The following ATP11A variants were observed in gnomAD, a reference collection of about 807,000 sequenced individuals.
ATP11A encodes the protein phospholipid-transporting ATPase IH.
A neutral mutation model predicts 154.4 loss-of-function variants in ATP11A; 81 were observed. The observed-to-expected ratio is 0.52, with a 90% CI of 0.44 to 0.63. The LOEUF is 0.63. Among genes scored for constraint, ATP11A ranks in the 30% least tolerant of loss-of-function variants. The pLI, the probability that ATP11A is intolerant of heterozygous loss-of-function variation, is 0.00. For synonymous variants in ATP11A, 623 were observed against 585.9 expected (o/e 1.06, Z -0.91); for missense variants, 1,316 against 1,474.3 (o/e 0.89, Z 1.76).
intron 2 of ATP11A, among the ~76,000 whole-genome samples, chr13:112,802,116 G>A (rs540012078): frequency 1.2e-4 from 19 of 152,174 alleles, no homozygotes; most frequent in East Asian, 1.9e-4. Flanking sequence ...AGGCCGAGGC[G>A]GGCGGATCAC....
chr13:112,816,254 T>G, intron 6 of ATP11A, 43 bp downstream of exon 6: 1 of 1,613,288 alleles, frequency 6.2e-7, no homozygotes, highest in Non-Finnish European at 8.5e-7. Flanking sequence ...GATCTTCCTG[T>G]CCTGCTTCGG....
At chr13:112,766,122 C>A (rs2077071312) in intron 1 of ATP11A, among the ~76,000 whole-genome samples, 1 of 151,984 alleles carries the variant, frequency 6.6e-6, no homozygotes, top group Admixed American at 6.5e-5. Flanking sequence ...ACTTCTTATT[C>A]TTCAGATGTG....
At chr13:112,712,964 T>A (rs1887937318) in intron 1 of ATP11A, among the ~76,000 whole-genome samples, 1 of 152,196 alleles carries the variant, frequency 6.6e-6, no homozygotes, top group Non-Finnish European at 1.5e-5. Context: ...AGACCTAGAG[T>A]ATTTGTTTGA....
Position 112,785,716 on chromosome 13 carries a change from C to T in ATP11A, c.162+459C>T, listed in dbSNP as rs1024483799. Among the ~76,000 whole-genome samples, 2 of 152,162 alleles carry T rather than the reference C, an allele frequency of 1.3e-5. No homozygotes were observed. The highest frequency in any genetic ancestry group is 2.9e-5 in the Non-Finnish European group (2 of 68,040). ...GGGGGGAAATCTTTGAGCTTGTTCA[C>T]GAGGTGCAGCCCAGGTAAAGCGTAG... On this transcript the variant is annotated intron_variant, in intron 2 of 29. Transcript: ENST00000375645. This position sits in a 1 kb window ranked among gnomAD's most constrained non-coding sequence, Gnocchi z 4.8.
At chr13:112,771,601 G>T (rs1371556097) in intron 1 of ATP11A, among the ~76,000 whole-genome samples, 1 of 152,176 alleles carries the variant, frequency 6.6e-6, no homozygotes, top group Non-Finnish European at 1.5e-5. Context: ...GTCATGAGTA[G>T]TGCAAGGTTA....
intron 1 of ATP11A, among the ~76,000 whole-genome samples, chr13:112,775,826 C>T (rs1195888693): frequency 6.6e-6 from 1 of 152,202 alleles, no homozygotes; most frequent in African/African-American, 2.4e-5. Context: ...ACGGCCCTGG[C>T]GCAGGGCGGG....
In ATP11A at chr13:112,885,950, C is replaced by T. The variant is rs1252026181; in HGVS notation, c.*4084C>T. 1 of 152,350 alleles carries T rather than the reference C, an allele frequency of 6.6e-6. No homozygotes were observed. Among genetic ancestry groups the T allele is most frequent in the Non-Finnish European group, 1.5e-5 (1 of 68,120 alleles). 9.4% of individuals were successfully genotyped at this position (152,350 alleles called of 1,614,324 possible). On this transcript the variant is annotated 3_prime_UTR_variant, in exon 30 of 30. Coordinates refer to ENST00000375645, the MANE Select transcript of ATP11A (RefSeq NM_015205.3). The stretch of plus-strand genomic sequence containing the variant: ...TTGGTGCCCTGGACAAGGCCCTTCC[C>T]CTTTAGGGAGGTCCAGCCTCGCAAG...
intron 1 of ATP11A, among the ~76,000 whole-genome samples, chr13:112,771,821 C>T (rs954494118): frequency 7.9e-5 from 12 of 152,224 alleles, no homozygotes; most frequent in African/African-American, 2.9e-4. Context: ...ATGTTATAAA[C>T]ACTCCACAAC....
chr13:112,871,784 TCA>T lies in ATP11A; in HGVS notation c.3044_3045del (p.Thr1015SerfsTer96). The T allele has an allele frequency of 6.2e-7, 1 of 1,614,226 alleles. No homozygotes were observed. Among genetic ancestry groups the T allele is most frequent in the South Asian group, 1.1e-5 (1 of 91,090 alleles). ...ACGCTGGTATTCACCGTGATGGTGTTCACAGTTACACTAAAGGTAAGTGGTCT... is the reference window on the plus strand; with the variant it reads ...ACGCTGGTATTCACCGTGATGGTGTTCAGTTACACTAAAGGTAAGTGGTCT... On this transcript the variant is annotated frameshift_variant, in exon 26 of 30. Transcript: ENST00000375645.
Position 112,881,945 on chromosome 13 carries a change from G to T in ATP11A, c.*79G>T. ...CTCCCACTCTCAGCAGGTGACACTCGCGGCCTGGAAGGAGAAGGTGTCCAC... is the reference window on the plus strand; with the variant it reads ...CTCCCACTCTCAGCAGGTGACACTCTCGGCCTGGAAGGAGAAGGTGTCCAC... On this transcript the variant is annotated 3_prime_UTR_variant, in exon 30 of 30. Coordinates refer to ENST00000375645, the MANE Select transcript of ATP11A (RefSeq NM_015205.3). 1 of 1,367,722 alleles carries T rather than the reference G, an allele frequency of 7.3e-7. No homozygotes were observed. The highest frequency in any genetic ancestry group is 9.8e-7 in the Non-Finnish European group (1 of 1,021,976). The allele number at this position is 1,367,722 out of a possible 1,614,324, so 84.7% of individuals were successfully genotyped here. A position where few individuals can be genotyped will look rare whatever the true frequency, so the allele number is the denominator to read the frequency against.
chr13:112,848,965 G>C (rs1181213024), intron 17 of ATP11A, among the ~76,000 whole-genome samples: 15 of 152,234 alleles, frequency 9.9e-5, no homozygotes, highest in Non-Finnish European at 1.5e-4. Flanking sequence ...TGGGATTACA[G>C]GCGTGAGCCA....
chr13:112,877,301 A>G (rs988933377), intron 28 of ATP11A, among the ~76,000 whole-genome samples: 23 of 152,158 alleles, frequency 1.5e-4, no homozygotes, highest in Admixed American at 2.6e-4. Flanking sequence ...GCAGCCACTC[A>G]CTGCCCAGCC....
At chr13:112,726,131 C>G (rs1291132462) in intron 1 of ATP11A, among the ~76,000 whole-genome samples, 2 of 152,234 alleles carry the variant, frequency 1.3e-5, no homozygotes, top group Admixed American at 1.3e-4. Context: ...GAGGTGTATG[C>G]CGGGGATGGG....
At chr13:112,693,537 C>T (rs574138756) in intron 1 of ATP11A, among the ~76,000 whole-genome samples, 63 of 151,254 alleles carry the variant, frequency 4.2e-4, no homozygotes, top group Non-Finnish European at 6.6e-4. Flanking sequence ...CATGGGGTAG[C>T]GTGTGTGCCG....
intron 2 of ATP11A, among the ~76,000 whole-genome samples, chr13:112,797,475 T>C (rs1433835754): frequency 6.6e-6 from 1 of 151,916 alleles, no homozygotes. Context: ...CCTAGACATA[T>C]CACATTTAAA....
intron 9 of ATP11A, 60 bp from the exon 10 acceptor site, chr13:112,824,282 ACT>A: frequency 7.7e-7 from 1 of 1,297,750 alleles, no homozygotes; most frequent in South Asian, 1.2e-5. Flanking sequence ...GCTGTGTGTA[ACT>A]CACCATAAGG....
chr13:112,867,371 G>A (rs1453908271), intron 25 of ATP11A, among the ~76,000 whole-genome samples: 1 of 152,202 alleles, frequency 6.6e-6, no homozygotes, highest in Non-Finnish European at 1.5e-5. Flanking sequence ...GGTTGCTCTA[G>A]TTCCAAATTT....
intron 26 of ATP11A, among the ~76,000 whole-genome samples, 167 bp downstream of exon 26, chr13:112,871,967 C>A (rs980665894): frequency 1.3e-5 from 2 of 152,172 alleles, no homozygotes; most frequent in Admixed American, 1.3e-4. Context: ...CCTTGTCCTG[C>A]TGTTTAGACA....
At chr13:112,798,570 C>A (rs986411877) in intron 2 of ATP11A, among the ~76,000 whole-genome samples, 1 of 152,214 alleles carries the variant, frequency 6.6e-6, no homozygotes, top group African/African-American at 2.4e-5. Flanking sequence ...CATGCTGTTG[C>A]GAGGAATCTG....
Sources: allele counts gnomAD v4.1 joint callset (sites outside exome capture counted in the v4.1 genomes callset), GRCh38; gene constraint gnomAD v4.1.1; non-coding constraint Gnocchi (gnomAD v3.1); transcripts MANE v1.5; gene names NCBI Gene and HGNC (gene_info 2026-07-23, HGNC 2026-07-21).